Variants in DPYD observed in about 807,000 individuals in gnomAD.
DPYD encodes the protein dihydropyrimidine dehydrogenase.
In DPYD, 109 loss-of-function variants were observed where a neutral mutation model predicts 116.2. The observed-to-expected ratio is 0.94, with a 90% CI of 0.80 to 1.10. DPYD has a LOEUF of 1.10. DPYD is among the 50% of genes least tolerant of loss of function. The probability of loss-of-function intolerance (pLI) is 0.00; values close to 1 mark genes in which losing one functional copy is unlikely to be tolerated. For synonymous variants in DPYD, 440 were observed against 432.0 expected, an observed-to-expected ratio of 1.02 and a Z score of -0.23; for missense variants, 1,302 against 1,254.5, an observed-to-expected ratio of 1.04 and a Z score of -0.57.
chr1:97,567,039 C>A (rs1652565941), intron 11 of DPYD, among the ~76,000 whole-genome samples: 1 of 152,058 alleles, frequency 6.6e-6, no homozygotes, highest in African/African-American at 2.4e-5. Context: ...AACACTTAAA[C>A]AATTGAGAAA....
chr1:97,086,458 AT>A (rs1434166226), intron 21 of DPYD, among the ~76,000 whole-genome samples: 1 of 151,480 alleles, frequency 6.6e-6, no homozygotes, highest in Non-Finnish European at 1.5e-5. Flanking sequence ...CTGATGTTTC[AT>A]TCTGAATTTA....
At chr1:97,871,932 G>A (rs1032169887) in intron 2 of DPYD, among the ~76,000 whole-genome samples, 2 of 151,854 alleles carry the variant, frequency 1.3e-5, no homozygotes, top group East Asian at 3.9e-4. Flanking sequence ...TGCCAACCAC[G>A]ATTTTAAGAA....
At chr1:97,670,919 A>C (rs1043531866) in intron 8 of DPYD, among the ~76,000 whole-genome samples, 5 of 152,232 alleles carry the variant, frequency 3.3e-5, no homozygotes, top group Non-Finnish European at 5.9e-5. Context: ...AACTACCATA[A>C]GTAAAATATG....
At chr1:97,486,777 G>T (rs1178530668) in intron 13 of DPYD, among the ~76,000 whole-genome samples, 1 of 151,926 alleles carries the variant, frequency 6.6e-6, no homozygotes, top group African/African-American at 2.4e-5. Flanking sequence ...TTATAACTCA[G>T]TTTTTAAAAC....
intron 1 of DPYD, among the ~76,000 whole-genome samples, chr1:97,899,690 A>C (rs935401999): frequency 1.3e-5 from 2 of 151,898 alleles, no homozygotes; most frequent in Non-Finnish European, 2.9e-5. Context: ...CAAACAATAC[A>C]GAAAAATTTT....
chr1:97,242,661 T>C (rs1465230238), intron 18 of DPYD, among the ~76,000 whole-genome samples: 1 of 151,844 alleles, frequency 6.6e-6, no homozygotes, highest in Non-Finnish European at 1.5e-5. Context: ...TATCTATTTT[T>C]ATAATGTTCC....
intron 8 of DPYD, among the ~76,000 whole-genome samples, chr1:97,627,610 C>T (rs1399738264): frequency 6.6e-6 from 1 of 151,992 alleles, no homozygotes; most frequent in Admixed American, 6.6e-5. Flanking sequence ...CTTTATCTTA[C>T]CCACTTATGC....
chr1:97,460,112 AT>A (rs1015468573), intron 13 of DPYD, among the ~76,000 whole-genome samples: 5 of 152,170 alleles, frequency 3.3e-5, no homozygotes, highest in Admixed American at 6.5e-5. Context: ...GTAGTATGCA[AT>A]TTTTATAGTA....
At chr1:97,866,567 G>A (rs1671388492) in intron 2 of DPYD, among the ~76,000 whole-genome samples, 1 of 151,872 alleles carries the variant, frequency 6.6e-6, no homozygotes, top group Admixed American at 6.6e-5. Flanking sequence ...GAACAAAACT[G>A]ACTAAGCTAC....
chr1:97,159,227 A>G (rs1429530327), intron 20 of DPYD, among the ~76,000 whole-genome samples: 1 of 152,110 alleles, frequency 6.6e-6, no homozygotes, highest in Non-Finnish European at 1.5e-5. Flanking sequence ...TGGCAAAGTA[A>G]TAAATGAGAA....
intron 6 of DPYD, among the ~76,000 whole-genome samples, chr1:97,693,005 T>C (rs1661095345): frequency 6.6e-6 from 1 of 151,820 alleles, no homozygotes; most frequent in Non-Finnish European, 1.5e-5. Context: ...CTATAGAAAA[T>C]GCAAGGTATC....
At chr1:97,751,514 AC>A (rs1188129068) in intron 3 of DPYD, among the ~76,000 whole-genome samples, 94 of 124,222 alleles carry the variant, frequency 7.6e-4, no homozygotes, top group Middle Eastern at 4.5e-3. Flanking sequence ...ACAGTGGCTC[AC>A]GCCTGTAACC....
chr1:97,695,847 T>C (rs1024604431), intron 6 of DPYD, among the ~76,000 whole-genome samples: 2 of 151,800 alleles, frequency 1.3e-5, no homozygotes, highest in Non-Finnish European at 2.9e-5. Context: ...AAGTGAGAGG[T>C]GGCCGGGCGC....
intron 20 of DPYD, among the ~76,000 whole-genome samples, chr1:97,112,610 T>C (rs1476481132): frequency 6.6e-6 from 1 of 152,134 alleles, no homozygotes; most frequent in African/African-American, 2.4e-5. Flanking sequence ...CAGAAGAGAC[T>C]TGAATTCATC....
intron 8 of DPYD, among the ~76,000 whole-genome samples, chr1:97,603,998 T>C (rs967145260): frequency 6.6e-6 from 1 of 152,168 alleles, no homozygotes; most frequent in Non-Finnish European, 1.5e-5. Flanking sequence ...TACTCATGTA[T>C]GCTCTGGCCT....
chr1:97,354,989 A>C (rs921869596), intron 16 of DPYD, among the ~76,000 whole-genome samples: 2 of 152,186 alleles, frequency 1.3e-5, no homozygotes, highest in Admixed American at 6.6e-5. Context: ...ATGTGATCCC[A>C]TGTGTAGAAA....
At position 97,595,784 on chromosome 1, in the gene DPYD, G is replaced by C. The variant is rs868256472; in HGVS notation, c.851-618C>G. The stretch of plus-strand genomic sequence containing the variant: ...ATTAGCTTTTCAATGGAAACATAAA[G>C]AATAATAAAAATTGGGAGAAGAAAA... On this transcript the variant is annotated intron_variant, in intron 8 of 22. Coordinates refer to ENST00000370192, the MANE Select transcript of DPYD (RefSeq NM_000110.4). Among the ~76,000 whole-genome samples, 25 of 151,326 alleles carry C rather than the reference G, an allele frequency of 1.7e-4. No individual in the cohort carries two copies. The South Asian group carries it at 1.7e-3, about 10-fold the overall frequency.
chr1:97,130,309 T>C (rs1382618020), intron 20 of DPYD, among the ~76,000 whole-genome samples: 1 of 152,190 alleles, frequency 6.6e-6, no homozygotes, highest in African/African-American at 2.4e-5. Flanking sequence ...TGCATTTGTA[T>C]CAGAGATGTG....
intron 18 of DPYD, among the ~76,000 whole-genome samples, chr1:97,298,632 C>T (rs1418956362): frequency 6.6e-6 from 1 of 152,070 alleles, no homozygotes; most frequent in African/African-American, 2.4e-5. Flanking sequence ...TTTGATAGTC[C>T]TCTAGATTTA....
Sources: gnomAD v4.1 joint callset for allele counts (sites outside exome capture counted in the v4.1 genomes callset) on GRCh38, gnomAD v4.1.1 for gene constraint, MANE v1.5 for transcripts, NCBI Gene and HGNC (gene_info 2026-07-23, HGNC 2026-07-21) for gene names.